MEI4: variants seen among roughly 807,000 people sequenced by gnomAD.
The protein encoded by MEI4 is meiotic double-stranded break formation protein 4.
In MEI4, 27 loss-of-function variants were observed where a neutral mutation model predicts 31.4. The observed-to-expected ratio is 0.86, with a 90% CI of 0.63 to 1.19. The LOEUF (loss-of-function observed/expected upper bound fraction) is 1.19, where lower values mean the gene tolerates loss of function less well. MEI4 is among the 50% of genes most tolerant of loss of function. MEI4 has a pLI of 0.00. For missense variants in MEI4, 329 were observed against 398.9 expected (o/e 0.82, Z 1.49); for synonymous variants, 122 against 145.4 (o/e 0.84, Z 1.16).
At chr6:77,746,638 CGTGTGTGTGTGT>C (rs5877568) in intron 2 of MEI4, among the ~76,000 whole-genome samples, 17,482 of 136,580 alleles carry the variant, frequency 0.13, 1,192 homozygotes, top group East Asian at 0.39. Context: ...AAATATATGG[CGTGTGTGTGTGT>C]GTGTGTGTGT....
chr6:77,831,371 A>T (rs1770075473), intron 4 of MEI4, among the ~76,000 whole-genome samples: 1 of 151,880 alleles, frequency 6.6e-6, no homozygotes, highest in East Asian at 1.9e-4. Context: ...AAATAGAACT[A>T]CCATATGATC....
At chr6:77,745,585 C>T (rs1453699214) in intron 2 of MEI4, among the ~76,000 whole-genome samples, 6 of 152,026 alleles carry the variant, frequency 3.9e-5, no homozygotes, top group Non-Finnish European at 7.4e-5. Flanking sequence ...AACAAGGATA[C>T]CCAGGAATTG....
At chr6:77,900,294 T>C (rs1766162319) in intron 4 of MEI4, among the ~76,000 whole-genome samples, 1 of 152,024 alleles carries the variant, frequency 6.6e-6, no homozygotes, top group South Asian at 2.1e-4. Context: ...CCTCAAAATA[T>C]TAAAATATTT....
intron 4 of MEI4, among the ~76,000 whole-genome samples, chr6:77,864,727 A>G (rs1176099526): frequency 1.3e-5 from 2 of 152,210 alleles, no homozygotes; most frequent in Non-Finnish European, 2.9e-5. Context: ...TGCACTAAGC[A>G]GACCTAATAG....
chr6:77,796,955 G>C (rs9359291), intron 3 of MEI4, among the ~76,000 whole-genome samples: 1 of 152,068 alleles, frequency 6.6e-6, no homozygotes, highest in East Asian at 1.9e-4. Flanking sequence ...AAAAGTGATA[G>C]TAATATAAAC....
At chr6:77,767,249 G>A (rs1287416409) in intron 3 of MEI4, among the ~76,000 whole-genome samples, 3 of 151,902 alleles carry the variant, frequency 2.0e-5, no homozygotes, top group African/African-American at 2.4e-5. Context: ...GCATGGTGGT[G>A]TGCGCCTGTA....
At chr6:77,830,727 T>G (rs1460774479) in intron 4 of MEI4, among the ~76,000 whole-genome samples, 1 of 152,034 alleles carries the variant, frequency 6.6e-6, no homozygotes, top group African/African-American at 2.4e-5. Context: ...TATATTTCAT[T>G]TTTTATCGTA....
chr6:77,887,120 T>C (rs1232154541), intron 4 of MEI4, among the ~76,000 whole-genome samples: 1 of 152,024 alleles, frequency 6.6e-6, no homozygotes, highest in African/African-American at 2.4e-5. Context: ...GAGCGCTGCC[T>C]TTGCAGAATC....
chr6:77,919,003 C>T (rs1766635411), intron 4 of MEI4, among the ~76,000 whole-genome samples: 1 of 151,864 alleles, frequency 6.6e-6, no homozygotes, highest in Admixed American at 6.6e-5. Context: ...TAAAGCAAGT[C>T]CTGAGTGACA....
At chr6:77,726,421 T>A (rs1766822677) in intron 2 of MEI4, among the ~76,000 whole-genome samples, 2 of 152,134 alleles carry the variant, frequency 1.3e-5, no homozygotes, top group South Asian at 4.2e-4. Flanking sequence ...TGTCATAGAA[T>A]ATTAATGGAA....
Position 77,798,589 on chromosome 6 carries a change from C to G in MEI4, c.769-30342C>G, listed in dbSNP as rs569479072. Among the ~76,000 whole-genome samples, 4 of 150,550 alleles carry G rather than the reference C, an allele frequency of 2.7e-5. No individual in the cohort carries two copies. The South Asian group carries it at 8.4e-4, about 32-fold the overall frequency. On this transcript the variant is annotated intron_variant, in intron 3 of 4. Transcript: ENST00000684080. ...CATGTGCCATGCTAGTGTGCTGCAC[C>G]CATTAACTCATCATTTAGCATTAGG...
intron 2 of MEI4, among the ~76,000 whole-genome samples, chr6:77,751,627 G>A (rs1371458368): frequency 4.6e-5 from 7 of 151,942 alleles, no homozygotes; most frequent in African/African-American, 1.7e-4. Flanking sequence ...GCAATTAATA[G>A]CCTACTAACC....
chr6:77,668,974 A>C (rs536386249), intron 1 of MEI4, among the ~76,000 whole-genome samples: 1 of 152,292 alleles, frequency 6.6e-6, no homozygotes, highest in Non-Finnish European at 1.5e-5. Context: ...GAGTGACAAA[A>C]GAATGATGAT....
chr6:77,861,193 G>T (rs1427302407), intron 4 of MEI4, among the ~76,000 whole-genome samples: 3 of 152,128 alleles, frequency 2.0e-5, no homozygotes, highest in African/African-American at 7.2e-5. Flanking sequence ...CTTTTGATTG[G>T]TTGGAGAGGC....
intron 4 of MEI4, among the ~76,000 whole-genome samples, chr6:77,848,935 C>T (rs1463732782): frequency 6.6e-6 from 1 of 151,964 alleles, no homozygotes; most frequent in Non-Finnish European, 1.5e-5. Flanking sequence ...CTGGGGTAAG[C>T]CACAGGGATA....
rs550731448 is a variant in MEI4, at chr6:77,727,887, T to G, written c.233-33243T>G. 9.2e-5 allele frequency among the ~76,000 whole-genome samples: 14 copies of G among 152,304 alleles called. No individual in the cohort carries two copies. The South Asian group carries it at 2.1e-3, about 23-fold the overall frequency. On this transcript the variant is annotated intron_variant, in intron 2 of 4. Transcript: ENST00000684080. ...AGCATCCTCGCAGGAGTTTCCTGAT[T>G]GAAATCTCTGTCTCTTTGATCGTAA...
chr6:77,801,739 A>G (rs923773378), intron 3 of MEI4, among the ~76,000 whole-genome samples: 2 of 152,144 alleles, frequency 1.3e-5, no homozygotes, highest in Non-Finnish European at 2.9e-5. Flanking sequence ...TGTACCCAGT[A>G]GTTATTCAGG....
At chr6:77,801,666 C>G (rs1769263846) in intron 3 of MEI4, among the ~76,000 whole-genome samples, 3 of 152,038 alleles carry the variant, frequency 2.0e-5, no homozygotes, top group Non-Finnish European at 4.4e-5. Context: ...TGAATGTGTC[C>G]CAGAGATTCT....
intron 1 of MEI4, among the ~76,000 whole-genome samples, chr6:77,666,865 G>GTGTA (rs1768645155): frequency 7.5e-6 from 1 of 133,396 alleles, no homozygotes; most frequent in African/African-American, 2.7e-5. Context: ...CTCTGTGTGT[G>GTGTA]TGTGTGTGTG....
Sources: gnomAD v4.1 joint callset for allele counts (sites outside exome capture counted in the v4.1 genomes callset) on GRCh38, gnomAD v4.1.1 for gene constraint, MANE v1.5 for transcripts, NCBI Gene and HGNC (gene_info 2026-07-23, HGNC 2026-07-21) for gene names.